SAMD12: variants seen among roughly 807,000 people sequenced by gnomAD.
SAMD12 encodes the protein sterile alpha motif domain-containing protein 12.
In SAMD12, 9 loss-of-function variants were observed where a neutral mutation model predicts 15.0. That is an observed-to-expected ratio of 0.60 (90% confidence interval 0.36 to 1.05). The LOEUF (loss-of-function observed/expected upper bound fraction) is 1.05, where lower values mean the gene tolerates loss of function less well. Among genes scored for constraint, SAMD12 ranks in the 50% least tolerant of loss-of-function variants. SAMD12 has a pLI of 0.01. For missense variants in SAMD12, 230 were observed against 234.2 expected, an observed-to-expected ratio of 0.98 and a Z score of 0.12; for synonymous variants, 86 against 90.1, an observed-to-expected ratio of 0.96 and a Z score of 0.25.
intron 2 of SAMD12, among the ~76,000 whole-genome samples, chr8:118,486,888 C>T (rs1476517375): frequency 6.6e-6 from 1 of 152,178 alleles, no homozygotes; most frequent in Admixed American, 6.5e-5. Flanking sequence ...CAGAGGTGCC[C>T]TCCGACAGGA....
At chr8:118,439,214 C>T (rs1307051729) in intron 3 of SAMD12, among the ~76,000 whole-genome samples, 3 of 152,198 alleles carry the variant, frequency 2.0e-5, no homozygotes, top group Admixed American at 2.0e-4. Flanking sequence ...GAATCGTTAT[C>T]TGTGCCTTGA....
At chr8:118,393,223 C>CCCTTT (rs1820374568) in intron 3 of SAMD12, among the ~76,000 whole-genome samples, 1 of 61,440 alleles carries the variant, frequency 1.6e-5, no homozygotes, top group Non-Finnish European at 3.3e-5. Flanking sequence ...GATTTCTTTT[C>CCCTTT]TCTTTTCGAG....
intron 2 of SAMD12, among the ~76,000 whole-genome samples, chr8:118,440,767 T>C (rs943224291): frequency 6.6e-6 from 1 of 151,776 alleles, no homozygotes; most frequent in Non-Finnish European, 1.5e-5. Flanking sequence ...AATGATGGAT[T>C]ACAAATACAT....
intron 2 of SAMD12, among the ~76,000 whole-genome samples, chr8:118,473,616 T>C (rs902181993): frequency 2.0e-5 from 3 of 152,158 alleles, no homozygotes; most frequent in African/African-American, 7.2e-5. Context: ...TGTGTTCTTT[T>C]TCCTCCAGCC....
the SAMD12 span, among the ~76,000 whole-genome samples, chr8:118,161,744 C>T: frequency 6.6e-6 from 1 of 150,968 alleles, no homozygotes; most frequent in Admixed American, 6.6e-5. Flanking sequence ...ATATGTTTAA[C>T]AAATTAAAAT....
Position 118,378,440 on chromosome 8 carries a change from G to A in SAMD12, c.*977C>T. Reference sequence around the variant, plus strand: ...CATTGGAAATCTCTGAGGACAAAATGCAAATAATGCATATGAGACAAACAA... The same window carrying A: ...CATTGGAAATCTCTGAGGACAAAATACAAATAATGCATATGAGACAAACAA... On this transcript the variant is annotated 3_prime_UTR_variant, in exon 4 of 4. Transcript: ENST00000314727. The A allele has an allele frequency of 3.1e-6, 3 of 981,206 alleles. No individual in the cohort carries two copies. Among genetic ancestry groups the A allele is most frequent in the African/African-American group, 1.7e-5 (1 of 57,230 alleles). 60.8% of individuals were successfully genotyped at this position (981,206 alleles called of 1,614,324 possible).
rs192644053 is a variant in SAMD12 at position 118,572,001 on chromosome 8, C to T, written c.192+8714G>A. Among the ~76,000 whole-genome samples the T allele has an allele frequency of 1.1e-4, 17 of 152,296 alleles. No individual in the cohort carries two copies. The East Asian group carries it at 3.1e-3, about 28-fold the overall frequency. On this transcript the variant is annotated intron_variant, in intron 2 of 3. Transcript: ENST00000314727. ...CTGGAAAAGCCACAGGCACTCAATGCCAGTCCATGAAAGCAGCCAGGAGGG... is the reference window on the plus strand; with the variant it reads ...CTGGAAAAGCCACAGGCACTCAATGTCAGTCCATGAAAGCAGCCAGGAGGG...
chr8:118,439,212 A>G (rs1240684025), intron 3 of SAMD12, among the ~76,000 whole-genome samples: 1 of 152,206 alleles, frequency 6.6e-6, no homozygotes, highest in Non-Finnish European at 1.5e-5. Context: ...TGGAATCGTT[A>G]TCTGTGCCTT....
chr8:118,306,940 C>T (rs1815379729), intron 4 of SAMD12, among the ~76,000 whole-genome samples: 1 of 152,186 alleles, frequency 6.6e-6, no homozygotes, highest in Non-Finnish European at 1.5e-5. Context: ...AGAGCTTCTG[C>T]TTTGCCTACT....
intron 4 of SAMD12, among the ~76,000 whole-genome samples, chr8:118,198,659 G>A (rs1413815474): frequency 6.6e-6 from 1 of 152,098 alleles, no homozygotes; most frequent in Admixed American, 6.6e-5. Flanking sequence ...TTGTAAGCAA[G>A]TGTTTGATTA....
intron 1 of SAMD12, among the ~76,000 whole-genome samples, chr8:118,590,681 T>G (rs936588533): frequency 2.0e-5 from 3 of 152,122 alleles, no homozygotes; most frequent in Non-Finnish European, 4.4e-5. Flanking sequence ...AAATAAAAGG[T>G]TTAAATAAAA....
the SAMD12 span, among the ~76,000 whole-genome samples, chr8:118,156,490 G>A: frequency 6.6e-6 from 1 of 152,166 alleles, no homozygotes; most frequent in Non-Finnish European, 1.5e-5. Flanking sequence ...GATCCTGCAT[G>A]TTTTGAAAGG....
chr8:118,499,386 A>C (rs1374850291), intron 2 of SAMD12, among the ~76,000 whole-genome samples: 2 of 152,190 alleles, frequency 1.3e-5, no homozygotes, highest in Non-Finnish European at 2.9e-5. Context: ...CTTACTGTAA[A>C]GAATAAGAGG....
intron 4 of SAMD12, among the ~76,000 whole-genome samples, chr8:118,229,039 A>T (rs1299109398): frequency 6.6e-6 from 1 of 152,134 alleles, no homozygotes; most frequent in African/African-American, 2.4e-5. Context: ...TGGAAATGGA[A>T]AACCAAACAT....
At chr8:118,145,044 T>G in the SAMD12 span, among the ~76,000 whole-genome samples, 1 of 152,228 alleles carries the variant, frequency 6.6e-6, no homozygotes, top group Non-Finnish European at 1.5e-5. Context: ...AAATAGAGTC[T>G]AGATTTTGAA....
intron 1 of SAMD12, among the ~76,000 whole-genome samples, chr8:118,599,255 C>T (rs1827796665): frequency 6.6e-6 from 1 of 152,176 alleles, no homozygotes; most frequent in African/African-American, 2.4e-5. Context: ...GTTTCCACTG[C>T]CAGAATACAG....
At chr8:118,489,652 A>T (rs1177998026) in intron 2 of SAMD12, among the ~76,000 whole-genome samples, 1 of 152,302 alleles carries the variant, frequency 6.6e-6, no homozygotes, top group East Asian at 1.9e-4. Context: ...TGTCGACTGG[A>T]AATTACAATA....
the SAMD12 span, among the ~76,000 whole-genome samples, chr8:118,163,737 C>A: frequency 2.4e-4 from 37 of 152,050 alleles, no homozygotes; most frequent in African/African-American, 8.5e-4. Flanking sequence ...TAGCCAGGCG[C>A]GGTGGCGGGC....
At chr8:118,257,563 G>T (rs964688883) in intron 4 of SAMD12, among the ~76,000 whole-genome samples, 2 of 152,050 alleles carry the variant, frequency 1.3e-5, no homozygotes, top group African/African-American at 4.8e-5. Flanking sequence ...TACGGAATCT[G>T]CAAGTACAAG....
Sources: gnomAD v4.1 joint callset for allele counts (sites outside exome capture counted in the v4.1 genomes callset) on GRCh38, gnomAD v4.1.1 for gene constraint, MANE v1.5 for transcripts, NCBI Gene and HGNC (gene_info 2026-07-23, HGNC 2026-07-21) for gene names.